Variants in ARAP2 observed in about 807,000 individuals in gnomAD.
The protein encoded by ARAP2 is arf-GAP with Rho-GAP domain, ANK repeat and PH domain-containing protein 2.
In ARAP2, 148 loss-of-function variants were observed where a neutral mutation model predicts 194.5. The observed-to-expected ratio is 0.76, with a 90% CI of 0.67 to 0.87. The LOEUF is 0.87. ARAP2 is among the 40% of genes least tolerant of loss of function. The probability of loss-of-function intolerance (pLI) is 0.00; values close to 1 mark genes in which losing one functional copy is unlikely to be tolerated. For missense variants in ARAP2, 2,128 were observed against 1,989.7 expected (o/e 1.07, Z -1.32); for synonymous variants, 695 against 683.5 (o/e 1.02, Z -0.26).
At chr4:36,241,935 A>G (rs1385746518) in intron 1 of ARAP2, among the ~76,000 whole-genome samples, 1 of 152,212 alleles carries the variant, frequency 6.6e-6, no homozygotes, top group Non-Finnish European at 1.5e-5. Context: ...GTAAATAAGT[A>G]AGCTTGTGCT....
intron 5 of ARAP2, among the ~76,000 whole-genome samples, chr4:36,026,724 G>C (rs1353119233): frequency 1.3e-5 from 2 of 152,238 alleles, no homozygotes; most frequent in Admixed American, 6.5e-5. Flanking sequence ...GGTGTACGCA[G>C]TGTTTTTGAT....
In ARAP2 at chr4:36,210,385, C is replaced by T; in HGVS notation, c.1487+5G>A. On this transcript the variant is annotated splice_donor_5th_base_variant and intron_variant, in intron 6 of 32. Coordinates refer to ENST00000303965, the MANE Select transcript of ARAP2 (RefSeq NM_015230.4). ...CACTTATGAAATAAATGCATACGTA[C>T]ATACCCTTGAGGAGAGAGTTTATCC... 6.3e-7 allele frequency: 1 copy of T among 1,598,600 alleles called. No individual in the cohort carries two copies. The highest frequency in any genetic ancestry group is 1.1e-5 in the South Asian group (1 of 88,472).
chr4:36,036,717 T>A (rs1157653730), intron 5 of ARAP2, among the ~76,000 whole-genome samples: 4 of 152,146 alleles, frequency 2.6e-5, no homozygotes, highest in Non-Finnish European at 4.4e-5. Context: ...AAATATCTAC[T>A]CCAAGCATCT....
At position 36,229,466 on chromosome 4, in the gene ARAP2, T is replaced by G; in HGVS notation, c.21A>C (p.Val7=). 1 of 1,610,426 alleles carries G rather than the reference T, an allele frequency of 6.2e-7. No homozygotes were observed. The highest frequency in any genetic ancestry group is 1.3e-5 in the African/African-American group (1 of 74,980). The change falls in exon 2 of 33, where the codon GTA becomes GTC. Residue 7 remains valine (V), a synonymous_variant. Coordinates refer to ENST00000303965, the MANE Select transcript of ARAP2 (RefSeq NM_015230.4). Reference sequence around the variant, plus strand: ...TTAGGAAATCTTTTATATCCACATTTACTTCACTGACTGAGGACATAATGG... The same window carrying G: ...TTAGGAAATCTTTTATATCCACATTGACTTCACTGACTGAGGACATAATGG... MSSVSE[V]NVDIKDFLMS...
intron 9 of ARAP2, chr4:36,007,090 T>A (rs926841050): frequency 5.3e-5 from 8 of 152,192 alleles, no homozygotes; most frequent in African/African-American, 1.7e-4. Context: ...AAACTAAAAT[T>A]AGCACTATAG....
intron 14 of ARAP2, among the ~76,000 whole-genome samples, chr4:36,159,127 G>A (rs944048081): frequency 1.3e-5 from 2 of 152,180 alleles, no homozygotes; most frequent in Middle Eastern, 6.3e-3. Context: ...ACATTTATAA[G>A]ATTACGGGAA....
chr4:36,108,878 T>A (rs1719115766), intron 26 of ARAP2, among the ~76,000 whole-genome samples: 1 of 152,020 alleles, frequency 6.6e-6, no homozygotes, highest in East Asian at 1.9e-4. Flanking sequence ...ATGTCAATGC[T>A]GCTTTCCTAG....
At chr4:36,243,819 C>T (rs1350594161) in intron 1 of ARAP2, 1 of 152,176 alleles carries the variant, frequency 6.6e-6, no homozygotes, top group Non-Finnish European at 1.5e-5. Context: ...GCACAGACAC[C>T]CGGGCAAATT....
At chr4:36,051,859 C>T (rs1019188261) in intron 3 of ARAP2, 15 of 152,312 alleles carry the variant, frequency 9.8e-5, no homozygotes, top group African/African-American at 3.6e-4. Flanking sequence ...AATTCAAATG[C>T]TGTTTGTGAC....
At chr4:36,076,181 T>G (rs570974565) in intron 31 of ARAP2, among the ~76,000 whole-genome samples, 1 of 152,268 alleles carries the variant, frequency 6.6e-6, no homozygotes, top group East Asian at 1.9e-4. Flanking sequence ...GGGTCATAAA[T>G]TTAGGTGGTC....
At chr4:36,111,357 C>T (rs914801481) in intron 26 of ARAP2, among the ~76,000 whole-genome samples, 1 of 151,904 alleles carries the variant, frequency 6.6e-6, no homozygotes, top group African/African-American at 2.4e-5. Context: ...GTTCCACTGG[C>T]TTCAGTAAAC....
intron 11 of ARAP2, among the ~76,000 whole-genome samples, chr4:36,162,197 T>C (rs1734259832): frequency 6.6e-6 from 1 of 152,096 alleles, no homozygotes; most frequent in Non-Finnish European, 1.5e-5. Context: ...TATAAATATT[T>C]CCTCATTTGG....
At chr4:36,230,874 AG>A (rs1751316443) in intron 1 of ARAP2, among the ~76,000 whole-genome samples, 1 of 152,246 alleles carries the variant, frequency 6.6e-6, no homozygotes, top group Admixed American at 6.5e-5. Flanking sequence ...AATATCAGCA[AG>A]CAGTAACAAA....
At chr4:36,070,004 T>C (rs1481684375) in intron 32 of ARAP2, among the ~76,000 whole-genome samples, 6 of 152,172 alleles carry the variant, frequency 3.9e-5, no homozygotes, top group Non-Finnish European at 5.9e-5. Flanking sequence ...TCTGCTATAA[T>C]TGTAAGCTTC....
At chr4:36,127,361 G>GAA (rs1191698158) in intron 21 of ARAP2, among the ~76,000 whole-genome samples, 10 of 151,952 alleles carry the variant, frequency 6.6e-5, no homozygotes, top group Admixed American at 1.3e-4. Flanking sequence ...ACTGATTTGA[G>GAA]AAACATTAGA....
At chr4:36,049,100 T>G (rs1232827638) in intron 3 of ARAP2, among the ~76,000 whole-genome samples, 1 of 152,126 alleles carries the variant, frequency 6.6e-6, no homozygotes, top group Non-Finnish European at 1.5e-5. Context: ...TTTGTGGCCT[T>G]TGTAGTTCCA....
intron 2 of ARAP2, among the ~76,000 whole-genome samples, chr4:36,226,677 C>T (rs1750388423): frequency 6.6e-6 from 1 of 152,162 alleles, no homozygotes; most frequent in Non-Finnish European, 1.5e-5. Context: ...GTATGCTTTT[C>T]TCCTGTTAAT....
intron 5 of ARAP2, among the ~76,000 whole-genome samples, chr4:36,045,082 A>AT (rs1721582683): frequency 6.6e-6 from 1 of 151,790 alleles, no homozygotes; most frequent in Non-Finnish European, 1.5e-5. Flanking sequence ...AACAATATAT[A>AT]TTGCAGGTAG....
At chr4:36,072,571 C>T (rs1727248164) in intron 32 of ARAP2, among the ~76,000 whole-genome samples, 1 of 151,692 alleles carries the variant, frequency 6.6e-6, no homozygotes, top group South Asian at 2.1e-4. Context: ...AGCCTGTGTT[C>T]CCTGTCCTGG....
Sources: gnomAD v4.1 joint callset for allele counts (sites outside exome capture counted in the v4.1 genomes callset) on GRCh38, gnomAD v4.1.1 for gene constraint, MANE v1.5 for transcripts, NCBI Gene and HGNC (gene_info 2026-07-23, HGNC 2026-07-21) for gene names.